ZFP64: variants seen among roughly 807,000 people sequenced by gnomAD.
The protein encoded by ZFP64 is zinc finger protein 64.
In ZFP64, 14 loss-of-function variants were observed where a neutral mutation model predicts 51.6. That is an observed-to-expected ratio of 0.27 (90% CI 0.18 to 0.42). The LOEUF is 0.42. Among genes scored for constraint, ZFP64 ranks in the 10% least tolerant of loss-of-function variants. The probability of loss-of-function intolerance (pLI) is 1.00; values close to 1 mark genes in which losing one functional copy is unlikely to be tolerated. For synonymous variants in ZFP64, 375 were observed against 361.4 expected, an observed-to-expected ratio of 1.04 and a Z score of -0.43; for missense variants, 754 against 906.8, an observed-to-expected ratio of 0.83 and a Z score of 2.16.
intron 2 of ZFP64, among the ~76,000 whole-genome samples, chr20:52,186,049 T>C (rs1983940023): frequency 6.6e-6 from 1 of 152,206 alleles, no homozygotes; most frequent in Non-Finnish European, 1.5e-5. Flanking sequence ...CATATATGAT[T>C]CTTTTTCTTG....
chr20:52,153,223 C>T lies in ZFP64; in HGVS notation c.969G>A (p.Leu323=), dbSNP rs771102089. 4 of 1,614,090 alleles carry T rather than the reference C, an allele frequency of 2.5e-6. No individual in the cohort carries two copies. The highest frequency in any genetic ancestry group is 3.4e-6 in the Non-Finnish European group (4 of 1,180,038). Residue 323 remains leucine (L), a synonymous_variant, in exon 6 of 6, where the codon CTG becomes CTA. Transcript: ENST00000216923. The surrounding 1 kb of genome is among the most constrained non-coding windows in gnomAD (Gnocchi z 5.1). The stretch of plus-strand genomic sequence containing the variant: ...TCCGGAGGGTGGCTTTGCTGTCACC[C>T]AGGAAGTCGCAATGAGGACACTTGA... The part of the protein sequence containing the change: ...NNFKCPHCDF[L]GDSKATLRKH...
intron 2 of ZFP64, among the ~76,000 whole-genome samples, chr20:52,166,853 A>G (rs894576843): frequency 2.6e-5 from 4 of 152,302 alleles, no homozygotes; most frequent in Admixed American, 6.5e-5. Flanking sequence ...CATAAGCTAT[A>G]TGACAAAATC....
chr20:52,101,550 ATTT>A (rs1241812244), intron 5 of ZFP64, among the ~76,000 whole-genome samples: 5 of 151,816 alleles, frequency 3.3e-5, no homozygotes, highest in African/African-American at 7.3e-5. Flanking sequence ...GTATTTTTGT[ATTT>A]TTTTGTAGTT....
chr20:52,110,725 A>C, intron 5 of ZFP64: 1 of 1,591,482 alleles, frequency 6.3e-7, no homozygotes, highest in Non-Finnish European at 8.6e-7. Flanking sequence ...TCCAACCTTA[A>C]CTGCCCCAGT....
intron 8 of ZFP64, among the ~76,000 whole-genome samples, chr20:52,087,515 ACT>A (rs1197319397): frequency 6.6e-6 from 1 of 152,108 alleles, no homozygotes; most frequent in African/African-American, 2.4e-5. Flanking sequence ...TTACCCAAGT[ACT>A]CTTACTTCCA....
At chr20:52,129,389 G>C (rs1156600844) in intron 5 of ZFP64, among the ~76,000 whole-genome samples, 2 of 151,690 alleles carry the variant, frequency 1.3e-5, no homozygotes, top group Non-Finnish European at 2.9e-5. Flanking sequence ...TAACTCCTGA[G>C]CTCAGGCAGT....
chr20:52,136,367 G>A (rs1411947032), intron 5 of ZFP64, among the ~76,000 whole-genome samples: 2 of 151,962 alleles, frequency 1.3e-5, no homozygotes, highest in Non-Finnish European at 2.9e-5. Flanking sequence ...GAAACCCCAG[G>A]TTGTTTTCAG....
intron 5 of ZFP64, among the ~76,000 whole-genome samples, chr20:52,100,016 C>T (rs557229522): frequency 5.9e-5 from 9 of 152,270 alleles, no homozygotes; most frequent in African/African-American, 1.2e-4. Flanking sequence ...TTTTTTGAGA[C>T]GGAGTCTCGC....
At position 52,153,614 on chromosome 20, in the gene ZFP64, A is replaced by AACC. The variant is rs1600763107; in HGVS notation, c.764-189_764-187dup. Among the ~76,000 whole-genome samples the AACC allele has an allele frequency of 1.3e-5, 2 of 152,152 alleles. No homozygotes were observed. The highest frequency in any genetic ancestry group is 1.9e-4 in the East Asian group (1 of 5,188). On this transcript the variant is annotated intron_variant, in intron 5 of 5. Transcript: ENST00000216923. The surrounding 1 kb of genome is among the most constrained non-coding windows in gnomAD (Gnocchi z 5.1). ...CGTCTTTATCTTTCCCCGGAACCCA[A>AACC]ACCACCACCACCGGTATCAAACCCA... is the stretch of plus-strand genomic sequence containing the variant.
chr20:52,168,814 T>C (rs1982486756), intron 2 of ZFP64, among the ~76,000 whole-genome samples: 1 of 152,236 alleles, frequency 6.6e-6, no homozygotes, highest in Non-Finnish European at 1.5e-5. Context: ...CATCATGCAA[T>C]ATCTTGGAAG....
chr20:52,106,528 G>A (rs1047917166), intron 5 of ZFP64, among the ~76,000 whole-genome samples: 6 of 152,058 alleles, frequency 3.9e-5, no homozygotes, highest in Non-Finnish European at 8.8e-5. Flanking sequence ...CATCTGTAAC[G>A]AGCCTTCTGT....
At chr20:52,179,480 G>A (rs1983466590) in intron 2 of ZFP64, among the ~76,000 whole-genome samples, 1 of 152,198 alleles carries the variant, frequency 6.6e-6, no homozygotes, top group South Asian at 2.1e-4. Context: ...GAGTGCCTAT[G>A]ATGTGCCAGA....
In ZFP64 at chr20:52,177,591, G is replaced by A. The variant is rs118094592; in HGVS notation, c.286+9241C>T. 1.2e-4 allele frequency among the ~76,000 whole-genome samples: 18 copies of A among 148,398 alleles called. No individual in the cohort carries two copies. In the East Asian group the frequency reaches 3.6e-3, roughly 30 times the overall value. ...CATGCGGCCATGCGGAGGACGCGAGGGCAAAGGATAAAAGCCCACCACCGA... is the reference window on the plus strand; with the variant it reads ...CATGCGGCCATGCGGAGGACGCGAGAGCAAAGGATAAAAGCCCACCACCGA... On this transcript the variant is annotated intron_variant, in intron 2 of 5. Transcript: ENST00000216923.
rs1213989280 is a variant in ZFP64 at position 52,112,101 on chromosome 20, C to CA, written c.764-13515dup. Among the ~76,000 whole-genome samples, 103 of 76,944 alleles carry CA rather than the reference C, an allele frequency of 1.3e-3. 1 individual carries two copies. The highest frequency in any genetic ancestry group is 5.4e-3 in the South Asian group (11 of 2,056). 50.5% of individuals were successfully genotyped at this position (76,944 alleles called of 152,430 possible). ...TATCTCCAAAAAAAAAAAAAAAAAA[C>CA]AAAAAAAAAACAAGAATCCCAGCTC... On this transcript the variant is annotated intron_variant, in intron 5 of 8. Transcript: ENST00000361387.
At chr20:52,145,592 T>C (rs1051365877) in intron 5 of ZFP64, among the ~76,000 whole-genome samples, 4 of 152,178 alleles carry the variant, frequency 2.6e-5, no homozygotes, top group Non-Finnish European at 5.9e-5. Flanking sequence ...TGAGCTGTGA[T>C]TGTGCCACTG....
intron 5 of ZFP64, among the ~76,000 whole-genome samples, chr20:52,117,341 G>A (rs1213833011): frequency 6.6e-6 from 1 of 152,044 alleles, no homozygotes; most frequent in Non-Finnish European, 1.5e-5. Flanking sequence ...CAGGTGAGCT[G>A]GGCATGGTGG....
chr20:52,165,815 G>A (rs1377989599), intron 3 of ZFP64, 49 bp downstream of exon 3: 1 of 1,611,650 alleles, frequency 6.2e-7, no homozygotes, highest in Non-Finnish European at 8.5e-7. Flanking sequence ...CCTGGAGCCT[G>A]GTTAAATATC....
rs199839575 is a variant in ZFP64 at position 52,138,014 on chromosome 20, AAAAT to A, written c.763+22105_763+22108del. 3.4e-3 allele frequency among the ~76,000 whole-genome samples: 466 copies of A among 136,610 alleles called. 7 individuals are homozygous for A. The highest frequency in any genetic ancestry group is 0.023 in the East Asian group (114 of 4,988). 89.6% of individuals were successfully genotyped at this position (136,610 alleles called of 152,430 possible). On this transcript the variant is annotated intron_variant, in intron 5 of 8. Transcript: ENST00000361387. ...AACACGGAAAAACCCCATCTTTACA[AAAAT>A]AAATAAATAAATAAATAAATAAATA...
At chr20:52,172,204 GGTGTGTGTGTGTGTGTTT>G (rs202165673) in intron 2 of ZFP64, among the ~76,000 whole-genome samples, 1 of 150,138 alleles carries the variant, frequency 6.7e-6, no homozygotes, top group Non-Finnish European at 1.5e-5. Context: ...TGTGTGTGTT[GGTGTGTGTGTGTGTGTTT>G]GTGTGTGTGT....
Sources: allele counts gnomAD v4.1 joint callset (sites outside exome capture counted in the v4.1 genomes callset), GRCh38; gene constraint gnomAD v4.1.1; non-coding constraint Gnocchi (gnomAD v3.1); transcripts MANE v1.5; gene names NCBI Gene and HGNC (gene_info 2026-07-23, HGNC 2026-07-21).